POLDIP2: variants seen among roughly 807,000 people sequenced by gnomAD.
The protein encoded by POLDIP2 is polymerase delta-interacting protein 2.
In POLDIP2, 32 loss-of-function variants were observed where a neutral mutation model predicts 52.9. That is an observed-to-expected ratio of 0.61 (90% CI 0.46 to 0.81). The LOEUF (loss-of-function observed/expected upper bound fraction) is 0.81. Among genes scored for constraint, POLDIP2 ranks in the 40% least tolerant of loss-of-function variants. The pLI is 0.00. For missense variants in POLDIP2, 371 were observed against 477.3 expected, an observed-to-expected ratio of 0.78 and a Z score of 2.07; for synonymous variants, 183 against 183.0, an observed-to-expected ratio of 1.00 and a Z score of 0.00.
chr17:28,352,240 T>TTTTTTTTTTTC (rs1251705627), intron 6 of POLDIP2, among the ~76,000 whole-genome samples: 7 of 129,932 alleles, frequency 5.4e-5, no homozygotes, highest in Non-Finnish European at 1.6e-5. Context: ...ATTATTTCTT[T>TTTTTTTTTTTC]TTTTTTTTTT....
chr17:28,353,017 A>G lies in POLDIP2; in HGVS notation c.517T>C (p.Leu173=), dbSNP rs782176046. The G allele has an allele frequency of 5.1e-6, 5 of 980,702 alleles. No individual in the cohort carries two copies. Among genetic ancestry groups the G allele is most frequent in the African/African-American group, 1.6e-5 (1 of 62,796 alleles). 60.8% of individuals were successfully genotyped at this position (980,702 alleles called of 1,614,324 possible). Residue 173 remains leucine, a splice_region_variant and synonymous_variant, in exon 6 of 11, where the codon TTG becomes CTG. Coordinates refer to ENST00000540200, the MANE Select transcript of POLDIP2 (RefSeq NM_015584.5). ...DSRALYAIPG[L]DYVSHEDILP... ...ATGTCTTCATGGCTGACATAGTCCA[A>G]GCCTGGCACAGAGATGCAAAAGACA...
At chr17:28,352,237 CTTTTTTTTTT>C (rs782311219) in intron 6 of POLDIP2, among the ~76,000 whole-genome samples, 1 of 87,682 alleles carries the variant, frequency 1.1e-5, no homozygotes, top group Admixed American at 1.6e-4. Flanking sequence ...GGAATTATTT[CTTTTTTTTTT>C]TTTTTTTTGG....
At chr17:28,350,391 C>T (rs1567791278) in intron 9 of POLDIP2, 47 bp downstream of exon 9, 2 of 1,554,284 alleles carry the variant, frequency 1.3e-6, no homozygotes, top group Admixed American at 3.8e-5. Flanking sequence ...CGCTAAGCCC[C>T]CAGGCTTGCC....
At chr17:28,352,537 CT>C (rs3032928) in intron 6 of POLDIP2, among the ~76,000 whole-genome samples, 91 of 129,162 alleles carry the variant, frequency 7.0e-4, no homozygotes, top group South Asian at 7.6e-4. Flanking sequence ...GCACCCGGGC[CT>C]TTTTTTTTTT....
In POLDIP2 at chr17:28,357,333, A is replaced by G. The variant is rs781860335; in HGVS notation, c.116T>C (p.Phe39Ser). The change falls in exon 1 of 11, where the codon TTC (phenylalanine) becomes TCC (serine). Residue 39 changes from phenylalanine to serine, a missense_variant. Coordinates refer to ENST00000540200, the MANE Select transcript of POLDIP2 (RefSeq NM_015584.5). Reference protein sequence around the residue: ...PLCAAAGAGAFSPASTTTTRR... With the variant: ...PLCAAAGAGASSPASTTTTRR... ...CGTCGTCGTGGTCGACGCTGGCGAG[A>G]AGGCTCCAGCTCCGGCCGCCGCACA... The G allele has an allele frequency of 6.3e-7, 1 of 1,578,822 alleles. No individual in the cohort carries two copies. Among genetic ancestry groups the G allele is most frequent in the Admixed American group, 1.7e-5 (1 of 58,784 alleles).
intron 1 of POLDIP2, 77 bp downstream of exon 1, chr17:28,357,211 T>C (rs1908082129): frequency 7.4e-7 from 1 of 1,352,486 alleles, no homozygotes; most frequent in Non-Finnish European, 9.8e-7. Flanking sequence ...CCCGGGCCCC[T>C]GGCCTCCGCA....
chr17:28,349,670 C>T (rs1385420941), intron 9 of POLDIP2, among the ~76,000 whole-genome samples: 1 of 35,982 alleles, frequency 2.8e-5, no homozygotes, highest in East Asian at 7.5e-4. Flanking sequence ...CTCCAGTGTC[C>T]ATTCACACAT....
intron 9 of POLDIP2, among the ~76,000 whole-genome samples, chr17:28,350,023 G>T (rs1338928449): frequency 6.6e-6 from 1 of 152,162 alleles, no homozygotes; most frequent in Non-Finnish European, 1.5e-5. Context: ...TCTCTTCAAG[G>T]ACCAGCAGAG....
In POLDIP2 at chr17:28,348,028, T is replaced by C. The variant is rs1376253650; in HGVS notation, c.*89A>G. 1.6e-5 allele frequency: 12 copies of C among 755,218 alleles called. No homozygotes were observed. Among genetic ancestry groups the C allele is most frequent in the Non-Finnish European group, 2.1e-5 (9 of 434,486 alleles). The allele number at this position is 755,218 out of a possible 1,614,324, so 46.8% of individuals were successfully genotyped here. On this transcript the variant is annotated 3_prime_UTR_variant, in exon 11 of 11. Coordinates refer to ENST00000540200, the MANE Select transcript of POLDIP2 (RefSeq NM_015584.5). Reference sequence around the variant, plus strand: ...AAATTAAGAGACCCACTGTGGCCCATGATGGGGAGAGAAGAGTTCTGCAGC... The same window carrying C: ...AAATTAAGAGACCCACTGTGGCCCACGATGGGGAGAGAAGAGTTCTGCAGC...
At chr17:28,349,687 G>A (rs547067239) in intron 9 of POLDIP2, among the ~76,000 whole-genome samples, 3 of 152,130 alleles carry the variant, frequency 2.0e-5, no homozygotes, top group East Asian at 1.9e-4. Context: ...ACATGCTGGC[G>A]GGGACCACGG....
chr17:28,350,719 C>A (rs564146504), intron 8 of POLDIP2, 47 bp downstream of exon 8: 2 of 1,587,524 alleles, frequency 1.3e-6, no homozygotes, highest in Non-Finnish European at 1.7e-6. Flanking sequence ...ACCCTGACCC[C>A]CAGGCACACC....
intron 1 of POLDIP2, among the ~76,000 whole-genome samples, chr17:28,357,033 T>C (rs963418333): frequency 2.0e-5 from 3 of 152,144 alleles, no homozygotes; most frequent in African/African-American, 7.2e-5. Context: ...GCCGGGGAAG[T>C]AGGATTCACT....
chr17:28,349,822 T>C (rs1200094056), intron 9 of POLDIP2, among the ~76,000 whole-genome samples: 21 of 152,230 alleles, frequency 1.4e-4, no homozygotes, highest in African/African-American at 4.6e-4. Context: ...GTTATGCTAA[T>C]ATATAACTCA....
chr17:28,352,799 A>G (rs112015745), intron 6 of POLDIP2, 113 bp downstream of exon 6: 27 of 661,756 alleles, frequency 4.1e-5, no homozygotes, highest in African/African-American at 3.8e-4. Context: ...TGGGCCTCCC[A>G]AAGTGCTGGG....
chr17:28,354,431 A>C lies in POLDIP2; in HGVS notation c.341+57T>G, dbSNP rs1289538491. 6 of 1,219,858 alleles carry C rather than the reference A, an allele frequency of 4.9e-6. No individual in the cohort carries two copies. In the African/African-American group the frequency reaches 7.5e-5, roughly 15 times the overall value. The allele number at this position is 1,219,858 out of a possible 1,614,324, so 75.6% of individuals were successfully genotyped here. A position where few individuals can be genotyped will look rare whatever the true frequency, so the allele number is the denominator to read the frequency against. On this transcript the variant is annotated intron_variant, in intron 3 of 10. Transcript: ENST00000540200. ...TCTTCACCCCTAGTACCCCAATTAC[A>C]TATGTCTGCCATCTCCTCCTGAGGA...
chr17:28,355,202 G>A (rs1555580672), intron 2 of POLDIP2, among the ~76,000 whole-genome samples: 2 of 152,188 alleles, frequency 1.3e-5, no homozygotes, highest in Non-Finnish European at 2.9e-5. Flanking sequence ...TCAGCAACTT[G>A]GCTAAACCTC....
chr17:28,354,217 AG>A (rs1907929259), intron 3 of POLDIP2, among the ~76,000 whole-genome samples: 1 of 152,176 alleles, frequency 6.6e-6, no homozygotes, highest in South Asian at 2.1e-4. Context: ...GAAATCAAGA[AG>A]ACTTGTCCCC....
In POLDIP2 at chr17:28,346,674, T is replaced by C. The variant is rs1907579970; in HGVS notation, c.*1443A>G. 6.6e-6 allele frequency: 1 copy of C among 152,206 alleles called. No individual in the cohort carries two copies. Among genetic ancestry groups the C allele is most frequent in the African/African-American group, 2.4e-5 (1 of 41,442 alleles). 9.4% of individuals were successfully genotyped at this position (152,206 alleles called of 1,614,324 possible). ...AATCAGACTTTGTGACTTAAAAGTT[T>C]GGGGGTTTTCTTTGAAAGTTTCCAG... On this transcript the variant is annotated 3_prime_UTR_variant, in exon 11 of 11. Transcript: ENST00000540200.
intron 6 of POLDIP2, 31 bp from the exon 7 acceptor site, chr17:28,351,831 T>A: frequency 6.2e-7 from 1 of 1,605,154 alleles, no homozygotes; most frequent in East Asian, 2.2e-5. Context: ...TTAGTCCAAT[T>A]GTGTGTTGTG....
Sources: gnomAD v4.1 joint callset for allele counts (sites outside exome capture counted in the v4.1 genomes callset) on GRCh38, gnomAD v4.1.1 for gene constraint, MANE v1.5 for transcripts, NCBI Gene and HGNC (gene_info 2026-07-23, HGNC 2026-07-21) for gene names.